The following SNTB2 variants were observed in gnomAD, a reference collection of about 807,000 sequenced individuals.
The protein encoded by SNTB2 is beta-2-syntrophin.
SNTB2 carries 34 observed loss-of-function variants against 46.2 expected under a neutral mutation model. The observed-to-expected ratio is 0.74, with a 90% CI of 0.56 to 0.98. The LOEUF is 0.98. SNTB2 is among the 50% of genes least tolerant of loss of function. The probability of loss-of-function intolerance (pLI) is 0.00; values close to 1 mark genes in which losing one functional copy is unlikely to be tolerated. For missense variants in SNTB2, 603 were observed against 731.4 expected, an observed-to-expected ratio of 0.82 and a Z score of 2.02; for synonymous variants, 290 against 312.6, an observed-to-expected ratio of 0.93 and a Z score of 0.76.
chr16:69,302,626 A>G lies in SNTB2; in HGVS notation c.*1702A>G, dbSNP rs541568457. The G allele has an allele frequency of 2.0e-5, 3 of 152,334 alleles. No individual in the cohort carries two copies. The highest frequency in any genetic ancestry group is 6.5e-5 in the Admixed American group (1 of 15,300). 9.4% of individuals were successfully genotyped at this position (152,334 alleles called of 1,614,324 possible). A position where few individuals can be genotyped will look rare whatever the true frequency, so the allele number is the denominator to read the frequency against. ...TGAGCAGAGAGAGTTCTAGGTCAAC[A>G]TTGTAACTCCATTGTCCTCCTTCAC... On this transcript the variant is annotated 3_prime_UTR_variant, in exon 7 of 7. Coordinates refer to ENST00000336278, the MANE Select transcript of SNTB2 (RefSeq NM_006750.4).
At chr16:69,286,113 C>T (rs1177703201) in intron 5 of SNTB2, among the ~76,000 whole-genome samples, 1 of 151,530 alleles carries the variant, frequency 6.6e-6, no homozygotes, top group Non-Finnish European at 1.5e-5. Context: ...GCCTGGTCTT[C>T]GGTTTATTTA....
At position 69,256,945 on chromosome 16, in the gene SNTB2, G is replaced by A. The variant is rs770295446; in HGVS notation, c.795-3105G>A. Among the ~76,000 whole-genome samples, 5 of 152,230 alleles carry A rather than the reference G, an allele frequency of 3.3e-5. No homozygotes were observed. The South Asian group carries it at 6.2e-4, about 19-fold the overall frequency. ...AGCACTTTGGGAGACCGAGGCAGGC[G>A]GATCACTTGAGGTCAGGAGTTCGAG... On this transcript the variant is annotated intron_variant, in intron 2 of 6. Transcript: ENST00000336278.
chr16:69,190,223 T>G (rs1964037091), intron 1 of SNTB2, among the ~76,000 whole-genome samples: 1 of 152,222 alleles, frequency 6.6e-6, no homozygotes, highest in South Asian at 2.1e-4. Context: ...TTCCATTAGA[T>G]GTCTGAAAAC....
chr16:69,280,578 C>CG (rs1965031402), intron 4 of SNTB2, among the ~76,000 whole-genome samples: 5 of 140,890 alleles, frequency 3.5e-5, no homozygotes, highest in African/African-American at 1.4e-4. Context: ...GGCGGCTGGC[C>CG]GGGCGGGGGG....
chr16:69,188,618 G>C (rs1964018593), intron 1 of SNTB2, among the ~76,000 whole-genome samples: 1 of 152,208 alleles, frequency 6.6e-6, no homozygotes, highest in African/African-American at 2.4e-5. Flanking sequence ...AGGTGATAGA[G>C]TATTGTAAAT....
At chr16:69,234,762 G>C (rs1964541304) in intron 1 of SNTB2, among the ~76,000 whole-genome samples, 1 of 151,350 alleles carries the variant, frequency 6.6e-6, no homozygotes, top group Non-Finnish European at 1.5e-5. Context: ...GAGTGCAGTG[G>C]CATGATCTTG....
Position 69,236,263 on chromosome 16 carries a change from A to G in SNTB2, c.581-9339A>G, listed in dbSNP as rs117644255. ...TACATTCCTTAGGCAGTAGCAAACC[A>G]TAGAGACTCTTTTAAATCGGGAGTG... On this transcript the variant is annotated intron_variant, in intron 1 of 6. Coordinates refer to ENST00000336278, the MANE Select transcript of SNTB2 (RefSeq NM_006750.4). Among the ~76,000 whole-genome samples the G allele has an allele frequency of 7.7e-3, 1,176 of 152,330 alleles. 39 individuals carry two copies. Among genetic ancestry groups the G allele is most frequent in the East Asian group, 0.054 (278 of 5,190 alleles).
chr16:69,215,590 T>A (rs1964339294), intron 1 of SNTB2, among the ~76,000 whole-genome samples: 1 of 152,116 alleles, frequency 6.6e-6, no homozygotes, highest in Middle Eastern at 3.2e-3. Context: ...GTTTTAAAGA[T>A]TTGTGGATGT....
chr16:69,220,287 G>C (rs1257620235), intron 1 of SNTB2, among the ~76,000 whole-genome samples: 2 of 142,506 alleles, frequency 1.4e-5, no homozygotes, highest in Non-Finnish European at 3.0e-5. Context: ...TCAGCCTCCC[G>C]AGTAGCTGGG....
At chr16:69,292,163 G>T (rs1965165535) in intron 5 of SNTB2, among the ~76,000 whole-genome samples, 1 of 148,664 alleles carries the variant, frequency 6.7e-6, no homozygotes, top group Non-Finnish European at 1.5e-5. Flanking sequence ...CGAGAACCCG[G>T]GAGGCAGAGC....
chr16:69,284,024 T>C lies in SNTB2; in HGVS notation c.1149-24T>C, dbSNP rs753741005. ...TGTCTGATAATGTAGTTACTTTTGA[T>C]CTCTGCTCTGTTTGTGGTCCTAGGT... On this transcript the variant is annotated intron_variant, in intron 4 of 6. Transcript: ENST00000336278. The C allele has an allele frequency of 1.9e-6, 3 of 1,573,622 alleles. 1 individual carries two copies. In the South Asian group the frequency reaches 3.5e-5, roughly 18 times the overall value.
intron 1 of SNTB2, among the ~76,000 whole-genome samples, chr16:69,234,330 C>T (rs1944808917): frequency 6.6e-6 from 1 of 152,134 alleles, no homozygotes; most frequent in Non-Finnish European, 1.5e-5. Flanking sequence ...GAGATTTTGT[C>T]TCACAAGAAC....
At chr16:69,207,520 A>G (rs1364582823) in intron 1 of SNTB2, among the ~76,000 whole-genome samples, 1 of 152,178 alleles carries the variant, frequency 6.6e-6, no homozygotes, top group Non-Finnish European at 1.5e-5. Context: ...GACCAATTAT[A>G]AAGTAGATAA....
intron 5 of SNTB2, among the ~76,000 whole-genome samples, chr16:69,286,090 T>C (rs35055502): frequency 0.27 from 41,511 of 151,964 alleles, 6,251 homozygotes; most frequent in African/African-American, 0.39. Context: ...GGATTACAGG[T>C]GTGAGCCACC....
At chr16:69,273,856 T>G (rs778671873) in intron 4 of SNTB2, among the ~76,000 whole-genome samples, 59 of 152,190 alleles carry the variant, frequency 3.9e-4, no homozygotes, top group Non-Finnish European at 8.4e-4. Context: ...ATTTGTTAAG[T>G]GCACCCTAAT....
At chr16:69,214,196 T>C (rs1356881638) in intron 1 of SNTB2, among the ~76,000 whole-genome samples, 1 of 150,916 alleles carries the variant, frequency 6.6e-6, no homozygotes, top group East Asian at 1.9e-4. Flanking sequence ...AGTGGTGTGA[T>C]CTCGGCTCAC....
Position 69,299,679 on chromosome 16 carries a change from A to G in SNTB2, c.1435A>G (p.Ile479Val), listed in dbSNP as rs761551003. The G allele has an allele frequency of 2.5e-6, 4 of 1,614,198 alleles. No homozygotes were observed. The South Asian group carries it at 3.3e-5, about 13-fold the overall frequency. The stretch of plus-strand genomic sequence containing the variant: ...AAGGGAAAATGGAGGCTCCAGCAGC[A>G]TATTGTACCGCTACCCCTTTGAAAG... Reference protein sequence around the residue: ...ISRENGGSSSILYRYPFERLK... With the variant: ...ISRENGGSSSVLYRYPFERLK... Residue 479 changes from isoleucine to valine, a missense_variant, in exon 6 of 7, where the codon ATA (isoleucine) becomes GTA (valine). By Grantham distance (29) the Ile-to-Val change is conservative. Coordinates refer to ENST00000336278, the MANE Select transcript of SNTB2 (RefSeq NM_006750.4).
chr16:69,298,741 C>CT (rs1293981248), intron 5 of SNTB2, among the ~76,000 whole-genome samples: 7 of 151,982 alleles, frequency 4.6e-5, no homozygotes, highest in Non-Finnish European at 1.0e-4. Context: ...AGGCTAGTCT[C>CT]TAACTCCTGA....
At chr16:69,229,431 A>G (rs1035037986) in intron 1 of SNTB2, among the ~76,000 whole-genome samples, 32 of 150,870 alleles carry the variant, frequency 2.1e-4, no homozygotes, top group African/African-American at 7.3e-4. Flanking sequence ...TGGCCTCCCA[A>G]AGTGCTGGGA....
Sources: allele counts gnomAD v4.1 joint callset (sites outside exome capture counted in the v4.1 genomes callset), GRCh38; gene constraint gnomAD v4.1.1; transcripts MANE v1.5; gene names NCBI Gene and HGNC (gene_info 2026-07-23, HGNC 2026-07-21).